The following CPSF6 variants were observed in gnomAD, a reference collection of about 807,000 sequenced individuals.
The protein encoded by CPSF6 is cleavage and polyadenylation specificity factor subunit 6.
A neutral mutation model predicts 56.7 loss-of-function variants in CPSF6; 10 were observed. That is an observed-to-expected ratio of 0.18 (90% confidence interval 0.11 to 0.30). The LOEUF is 0.30. Ranked by LOEUF, CPSF6 falls within the 10% of genes least tolerant of loss-of-function variation. The pLI is 1.00. For synonymous variants in CPSF6, 248 were observed against 244.8 expected, an observed-to-expected ratio of 1.01 and a Z score of -0.12; for missense variants, 419 against 722.9, an observed-to-expected ratio of 0.58 and a Z score of 4.82.
intron 1 of CPSF6, among the ~76,000 whole-genome samples, chr12:69,240,210 C>T (rs978427453): frequency 1.3e-5 from 2 of 152,192 alleles, no homozygotes; most frequent in East Asian, 1.9e-4. Flanking sequence ...TCTCCCTGCC[C>T]GCGCACTGTC....
rs577165446 is a variant in CPSF6 at position 69,247,916 on chromosome 12, G to A, written c.61-3213G>A. Among the ~76,000 whole-genome samples, 5 of 152,294 alleles carry A rather than the reference G, an allele frequency of 3.3e-5. No individual in the cohort carries two copies. In the South Asian group the frequency reaches 1.0e-3, roughly 32 times the overall value. On this transcript the variant is annotated intron_variant, in intron 1 of 9. Transcript: ENST00000435070. ...CAAAGTTTAAATGTATACCATTGGG[G>A]CTAAGTGTACAGGCTGTGGCCTTGG...
rs1299419307 is a variant in CPSF6, at chr12:69,273,570, G to C, written c.*4062G>C. 2.6e-5 allele frequency: 4 copies of C among 152,086 alleles called. No individual in the cohort carries two copies. Among genetic ancestry groups the C allele is most frequent in the African/African-American group, 9.7e-5 (4 of 41,414 alleles). 9.4% of individuals were successfully genotyped at this position (152,086 alleles called of 1,614,324 possible). On this transcript the variant is annotated 3_prime_UTR_variant, in exon 10 of 10. Transcript: ENST00000435070. ...TTTACATTAATTTCATAATTGGACA[G>C]ACCCTGCATTTAGCGAAAACATTTT... is the stretch of plus-strand genomic sequence containing the variant.
intron 8 of CPSF6, among the ~76,000 whole-genome samples, chr12:69,261,605 A>G (rs1872743977): frequency 6.7e-6 from 1 of 150,310 alleles, no homozygotes; most frequent in Non-Finnish European, 1.5e-5. Flanking sequence ...GGCCTTGATC[A>G]AGGATTTTAG....
chr12:69,273,730 G>A lies in CPSF6; in HGVS notation c.*4222G>A, dbSNP rs1293958922. 1 of 151,498 alleles carries A rather than the reference G, an allele frequency of 6.6e-6. No individual in the cohort carries two copies. Among genetic ancestry groups the A allele is most frequent in the Admixed American group, 6.6e-5 (1 of 15,210 alleles). 9.4% of individuals were successfully genotyped at this position (151,498 alleles called of 1,614,324 possible). A position where few individuals can be genotyped will look rare whatever the true frequency, so the allele number is the denominator to read the frequency against. The stretch of plus-strand genomic sequence containing the variant: ...ACTTTGAAAATTGTAGTACTCAGGT[G>A]GTATTTAATGGGAAAGGATCCTTTG... On this transcript the variant is annotated 3_prime_UTR_variant, in exon 10 of 10. Transcript: ENST00000435070.
rs3051105 is a variant in CPSF6 at position 69,272,869 on chromosome 12, AGT to A, written c.*3388_*3389del. ...AAGCATTCTATTTTTCTGTTCTTAC[AGT>A]GTGTGTGTGTGTGTGTGTGTGTGTG... On this transcript the variant is annotated 3_prime_UTR_variant, in exon 10 of 10. Transcript: ENST00000435070. 0.18 allele frequency: 28,276 copies of A among 153,666 alleles called. 3,008 individuals carry two copies. The highest frequency in any genetic ancestry group is 0.26 in the Non-Finnish European group (18,547 of 70,012). 9.5% of individuals were successfully genotyped at this position (153,666 alleles called of 1,614,324 possible).
intron 3 of CPSF6, among the ~76,000 whole-genome samples, chr12:69,254,410 A>C (rs550530988): frequency 2.1e-4 from 32 of 152,260 alleles, no homozygotes; most frequent in African/African-American, 7.7e-4. Flanking sequence ...TCAAATATCC[A>C]CATGGCTTAC....
intron 9 of CPSF6, among the ~76,000 whole-genome samples, chr12:69,263,133 C>CT (rs1306952538): frequency 4.0e-4 from 60 of 151,438 alleles, no homozygotes; most frequent in African/African-American, 1.4e-3. Context: ...CTGACATCTG[C>CT]TTTTTGTTTT....
chr12:69,268,311 CTATATA>C (rs951839065), intron 9 of CPSF6, among the ~76,000 whole-genome samples: 1 of 151,450 alleles, frequency 6.6e-6, no homozygotes, highest in African/African-American at 2.4e-5. Context: ...CATATAGAAA[CTATATA>C]TATAAAAGAG....
intron 9 of CPSF6, among the ~76,000 whole-genome samples, chr12:69,264,272 T>G (rs1162047520): frequency 1.3e-5 from 2 of 152,082 alleles, no homozygotes; most frequent in Non-Finnish European, 2.9e-5. Flanking sequence ...TCAGCAAGCT[T>G]CTTGTTAGTA....
rs1396541820 is a variant in CPSF6, at chr12:69,272,459, T to G, written c.*2951T>G. 6.6e-6 allele frequency: 1 copy of G among 151,734 alleles called. No individual in the cohort carries two copies. Among genetic ancestry groups the G allele is most frequent in the Non-Finnish European group, 1.5e-5 (1 of 67,660 alleles). 9.4% of individuals were successfully genotyped at this position (151,734 alleles called of 1,614,324 possible). The stretch of plus-strand genomic sequence containing the variant: ...AAAGGGCAAAGACTTTCTCTTTCCC[T>G]TATGTATTTAACTGTGCCAATCTAA... On this transcript the variant is annotated 3_prime_UTR_variant, in exon 10 of 10. Coordinates refer to ENST00000435070, the MANE Select transcript of CPSF6 (RefSeq NM_007007.3).
intron 1 of CPSF6, among the ~76,000 whole-genome samples, chr12:69,242,965 G>T (rs894439561): frequency 6.6e-6 from 1 of 152,034 alleles, no homozygotes; most frequent in African/African-American, 2.4e-5. Flanking sequence ...AAAATTGGCC[G>T]AGTATGGTGG....
intron 1 of CPSF6, among the ~76,000 whole-genome samples, chr12:69,247,040 C>T (rs1871944893): frequency 6.6e-6 from 1 of 152,128 alleles, no homozygotes; most frequent in African/African-American, 2.4e-5. Context: ...AATATTTTGA[C>T]AGCCAACAAG....
At chr12:69,254,924 A>C (rs2120535465) in intron 3 of CPSF6, 1 of 152,352 alleles carries the variant, frequency 6.6e-6, no homozygotes, top group Non-Finnish European at 1.5e-5. Flanking sequence ...CATAAAATGC[A>C]GGCTTTTAAA....
intron 1 of CPSF6, 22 bp downstream of exon 1, chr12:69,239,728 C>T (rs764824178): frequency 1.3e-6 from 2 of 1,564,774 alleles, no homozygotes; most frequent in East Asian, 5.1e-5. Context: ...CCCAGGTCCC[C>T]GCCGCCGACG....
At position 69,258,556 on chromosome 12, in the gene CPSF6, G is replaced by GC. The variant is rs1555168499; in HGVS notation, c.695-34_695-33insC. ...AGTTAAAATATCTTATTAGTGAAGT[G>GC]TTTTTTTTTCTCTCTTTCTCCTTTG... On this transcript the variant is annotated intron_variant, in intron 5 of 9. Transcript: ENST00000435070. This position sits in a 1 kb window ranked among gnomAD's most constrained non-coding sequence, Gnocchi z 4.2. 7.3e-7 allele frequency: 1 copy of GC among 1,374,080 alleles called. No individual in the cohort carries two copies. Among genetic ancestry groups the GC allele is most frequent in the Non-Finnish European group, 9.8e-7 (1 of 1,021,282 alleles). 85.1% of individuals were successfully genotyped at this position (1,374,080 alleles called of 1,614,324 possible). A position where few individuals can be genotyped will look rare whatever the true frequency, so the allele number is the denominator to read the frequency against.
At chr12:69,254,179 G>GT (rs1332336079) in intron 3 of CPSF6, among the ~76,000 whole-genome samples, 6 of 106,610 alleles carry the variant, frequency 5.6e-5, no homozygotes, top group East Asian at 5.0e-4. Context: ...CATAACAGAA[G>GT]TTCTAAAAAA....
chr12:69,257,665 A>G (rs2120559097), intron 4 of CPSF6, 67 bp from the exon 5 acceptor site: 1 of 1,434,388 alleles, frequency 7.0e-7, no homozygotes, highest in Non-Finnish European at 9.6e-7. Flanking sequence ...TGTTTTTAAT[A>G]ATAGTGGTTA....
At chr12:69,246,101 T>G (rs1316348609) in intron 1 of CPSF6, among the ~76,000 whole-genome samples, 2 of 152,070 alleles carry the variant, frequency 1.3e-5, no homozygotes, top group East Asian at 3.9e-4. Flanking sequence ...AAAAATAGAT[T>G]AATTACTTTT....
intron 9 of CPSF6, among the ~76,000 whole-genome samples, chr12:69,266,602 A>C (rs1872994877): frequency 6.6e-6 from 1 of 152,156 alleles, no homozygotes; most frequent in African/African-American, 2.4e-5. Flanking sequence ...ATATTTAGTT[A>C]ACGTTGTTTA....
Sources: allele counts gnomAD v4.1 joint callset (sites outside exome capture counted in the v4.1 genomes callset), GRCh38; gene constraint gnomAD v4.1.1; non-coding constraint Gnocchi (gnomAD v3.1); transcripts MANE v1.5; gene names NCBI Gene and HGNC (gene_info 2026-07-23, HGNC 2026-07-21).